The following SUGCT variants were observed in gnomAD, a reference collection of about 807,000 sequenced individuals.
The protein encoded by SUGCT is succinyl-CoA:glutarate CoA-transferase.
A neutral mutation model predicts 55.0 loss-of-function variants in SUGCT; 41 were observed. That is an observed-to-expected ratio of 0.74 (90% CI 0.58 to 0.97). The LOEUF (loss-of-function observed/expected upper bound fraction) is 0.97. Among genes scored for constraint, SUGCT ranks in the 50% least tolerant of loss-of-function variants. The pLI is 0.00. For synonymous variants in SUGCT, 187 were observed against 200.4 expected (o/e 0.93, Z 0.56); for missense variants, 568 against 547.8 (o/e 1.04, Z -0.37).
At position 40,773,170 on chromosome 7, in the gene SUGCT, C is replaced by G. The variant is rs540931141; in HGVS notation, c.1153+23673C>G. Among the ~76,000 whole-genome samples, 3 of 152,002 alleles carry G rather than the reference C, an allele frequency of 2.0e-5. No homozygotes were observed. The South Asian group carries it at 6.2e-4, about 32-fold the overall frequency. On this transcript the variant is annotated intron_variant, in intron 13 of 13. Coordinates refer to ENST00000335693, the MANE Select transcript of SUGCT (RefSeq NM_001193313.2). The stretch of plus-strand genomic sequence containing the variant: ...TGAGATGGAGTTTTGCTCTTGTCAC[C>G]CAGGCTGGAGTGCAATGGTGTGATC...
chr7:40,647,058 C>G (rs976127374), intron 12 of SUGCT, among the ~76,000 whole-genome samples: 3 of 152,188 alleles, frequency 2.0e-5, no homozygotes, highest in Non-Finnish European at 4.4e-5. Context: ...CTGAGTGTCA[C>G]AGGCCTTCAG....
chr7:40,841,555 A>G (rs1410995404), intron 13 of SUGCT, among the ~76,000 whole-genome samples: 1 of 152,214 alleles, frequency 6.6e-6, no homozygotes, highest in African/African-American at 2.4e-5. Context: ...TAGACAAAGA[A>G]TTGATTTACT....
At chr7:40,605,417 G>C (rs753921578) in intron 12 of SUGCT, among the ~76,000 whole-genome samples, 1 of 152,174 alleles carries the variant, frequency 6.6e-6, no homozygotes, top group Non-Finnish European at 1.5e-5. Context: ...TTTTTTTGGA[G>C]AATACAAGAT....
chr7:40,494,842 G>A (rs182236528), intron 11 of SUGCT, among the ~76,000 whole-genome samples: 22 of 151,308 alleles, frequency 1.5e-4, no homozygotes, highest in African/African-American at 2.9e-4. Context: ...TTTATTTCTC[G>A]TTTTTCATTT....
chr7:40,639,122 A>G (rs1263425909), intron 12 of SUGCT, among the ~76,000 whole-genome samples: 1 of 152,168 alleles, frequency 6.6e-6, no homozygotes, highest in Non-Finnish European at 1.5e-5. Flanking sequence ...CAGAATTTAT[A>G]TCATTTGGCC....
chr7:40,619,544 A>G (rs1476805280), intron 12 of SUGCT, among the ~76,000 whole-genome samples: 1 of 152,130 alleles, frequency 6.6e-6, no homozygotes, highest in African/African-American at 2.4e-5. Flanking sequence ...GACAGTTTTT[A>G]TATATTAATA....
intron 13 of SUGCT, among the ~76,000 whole-genome samples, chr7:40,827,324 G>A (rs1792365618): frequency 6.6e-6 from 1 of 152,172 alleles, no homozygotes. Flanking sequence ...AGTGGAGAGA[G>A]TCCACTGGAA....
chr7:40,350,193 CT>C (rs1480880890), intron 9 of SUGCT, among the ~76,000 whole-genome samples: 1 of 151,322 alleles, frequency 6.6e-6, no homozygotes, highest in African/African-American at 2.4e-5. Flanking sequence ...AAAGATAATA[CT>C]TTTTATGTCA....
chr7:40,943,696 C>T, the SUGCT span, among the ~76,000 whole-genome samples: 133,236 of 149,344 alleles, frequency 0.89, 59,707 homozygotes, highest in African/African-American at 0.97. Flanking sequence ...ACATTTGGGT[C>T]GGTTCCAAGT....
chr7:40,584,400 A>G (rs1381187619), intron 12 of SUGCT, among the ~76,000 whole-genome samples: 1 of 152,222 alleles, frequency 6.6e-6, no homozygotes, highest in Non-Finnish European at 1.5e-5. Flanking sequence ...AGCAGAAAAC[A>G]GATACTCATA....
chr7:40,721,233 G>A (rs1460253761), intron 12 of SUGCT, among the ~76,000 whole-genome samples: 3 of 152,196 alleles, frequency 2.0e-5, no homozygotes, highest in African/African-American at 4.8e-5. Context: ...TAAAGGAGGG[G>A]AAGGTGTAAA....
intron 12 of SUGCT, among the ~76,000 whole-genome samples, chr7:40,497,682 C>T (rs896225569): frequency 6.6e-6 from 1 of 152,036 alleles, no homozygotes; most frequent in African/African-American, 2.4e-5. Context: ...TGAGGCCAAG[C>T]CATCATTTGA....
intron 13 of SUGCT, among the ~76,000 whole-genome samples, chr7:40,755,011 C>T (rs1054834608): frequency 6.6e-6 from 1 of 152,180 alleles, no homozygotes; most frequent in East Asian, 1.9e-4. Context: ...AATGTGAGTG[C>T]CTGGCACCCT....
intron 9 of SUGCT, among the ~76,000 whole-genome samples, chr7:40,341,951 A>G (rs185873328): frequency 1.4e-4 from 22 of 152,368 alleles, no homozygotes; most frequent in Admixed American, 1.3e-4. Flanking sequence ...ATCCTGACTC[A>G]GTCCTTAAAG....
intron 12 of SUGCT, among the ~76,000 whole-genome samples, chr7:40,647,822 G>GAA (rs761976770): frequency 3.0e-5 from 4 of 131,486 alleles, no homozygotes; most frequent in Non-Finnish European, 4.9e-5. Flanking sequence ...CTGCACTCCA[G>GAA]AAAAAAAAAA....
At chr7:40,846,046 C>G (rs1793538909) in intron 13 of SUGCT, among the ~76,000 whole-genome samples, 1 of 152,182 alleles carries the variant, frequency 6.6e-6, no homozygotes, top group South Asian at 2.1e-4. Context: ...GATCTGGCTT[C>G]TCTGACTGGA....
chr7:40,720,512 A>G (rs1044014591), intron 12 of SUGCT, among the ~76,000 whole-genome samples: 1 of 152,194 alleles, frequency 6.6e-6, no homozygotes, highest in African/African-American at 2.4e-5. Flanking sequence ...CCCAAAATGT[A>G]TATGGAATCT....
chr7:40,698,854 T>C (rs1165595679), intron 12 of SUGCT, among the ~76,000 whole-genome samples: 1 of 152,226 alleles, frequency 6.6e-6, no homozygotes, highest in Non-Finnish European at 1.5e-5. Context: ...GTTCTAAATG[T>C]GATTTCTGGT....
rs33947436 is a variant in SUGCT at position 40,669,346 on chromosome 7, CAAAAAAAA to C, written c.1090-80072_1090-80065del. Reference sequence around the variant, plus strand: ...CATAATACCCAAATTGTGTAAGCTTCAAAAAAAAAAAAAAAAAAAAAAATTACTCATCC... The same window carrying C: ...CATAATACCCAAATTGTGTAAGCTTCAAAAAAAAAAAAAAATTACTCATCC... On this transcript the variant is annotated intron_variant, in intron 12 of 13. Transcript: ENST00000335693. 1.3e-3 allele frequency among the ~76,000 whole-genome samples: 119 copies of C among 90,786 alleles called. 1 individual carries two copies. Among genetic ancestry groups the C allele is most frequent in the African/African-American group, 4.0e-3 (114 of 28,418 alleles). The allele number at this position is 90,786 out of a possible 152,430, so 59.6% of individuals were successfully genotyped here.
Sources: allele counts gnomAD v4.1 joint callset (sites outside exome capture counted in the v4.1 genomes callset), GRCh38; gene constraint gnomAD v4.1.1; transcripts MANE v1.5; gene names NCBI Gene and HGNC (gene_info 2026-07-23, HGNC 2026-07-21).